Variants in DOK6 observed in about 807,000 individuals in gnomAD.
DOK6 encodes the protein downstream of tyrosine kinase 6.
DOK6 carries 22 observed loss-of-function variants against 44.0 expected under a neutral mutation model. The observed-to-expected ratio is 0.50, with a 90% confidence interval of 0.36 to 0.71. DOK6 has a LOEUF of 0.71. Ranked by LOEUF, DOK6 falls within the 30% of genes least tolerant of loss-of-function variation. The pLI is 0.00. For synonymous variants in DOK6, 166 were observed against 145.5 expected (o/e 1.14, Z -1.01); for missense variants, 340 against 416.4 (o/e 0.82, Z 1.60).
chr18:69,777,702 A>G (rs1050207367), intron 7 of DOK6, among the ~76,000 whole-genome samples: 7 of 150,498 alleles, frequency 4.7e-5, no homozygotes, highest in Admixed American at 1.3e-4. Flanking sequence ...CTCAGCCCCT[A>G]CACTTCACAA....
At chr18:69,568,519 G>C (rs149157678) in intron 2 of DOK6, among the ~76,000 whole-genome samples, 36 of 152,300 alleles carry the variant, frequency 2.4e-4, no homozygotes, top group African/African-American at 8.2e-4. Flanking sequence ...TGCAGCTTTA[G>C]GCTGGGGGCA....
intron 3 of DOK6, among the ~76,000 whole-genome samples, chr18:69,628,044 TA>T (rs1325947460): frequency 6.6e-6 from 1 of 152,260 alleles, no homozygotes; most frequent in Non-Finnish European, 1.5e-5. Context: ...AAATGATTCC[TA>T]TGGAGTCAAT....
chr18:69,562,334 G>T (rs1279027422), intron 1 of DOK6, among the ~76,000 whole-genome samples: 1 of 152,082 alleles, frequency 6.6e-6, no homozygotes, highest in East Asian at 1.9e-4. Flanking sequence ...GTCAAAGATA[G>T]ATAGTTGTAG....
chr18:69,419,683 A>G lies in DOK6; in HGVS notation c.66+18373A>G, dbSNP rs113807043. 2.1e-3 allele frequency among the ~76,000 whole-genome samples: 323 copies of G among 152,268 alleles called. 2 individuals are homozygous for G. Among genetic ancestry groups the G allele is most frequent in the African/African-American group, 7.4e-3 (306 of 41,558 alleles). ...TGTTAATTAAGGATATATGCTAATA[A>G]GAAATAACCAAGGATGAAGAAGTAA... On this transcript the variant is annotated intron_variant, in intron 1 of 7. Transcript: ENST00000382713.
chr18:69,459,859 ATTTTGGTGT>A (rs1199177480), intron 1 of DOK6, among the ~76,000 whole-genome samples: 2 of 152,160 alleles, frequency 1.3e-5, no homozygotes, highest in African/African-American at 4.8e-5. Flanking sequence ...ACCCAACCCA[ATTTTGGTGT>A]TATATGTGTG....
At chr18:69,798,422 T>C (rs1451643810) in intron 7 of DOK6, among the ~76,000 whole-genome samples, 1 of 152,090 alleles carries the variant, frequency 6.6e-6, no homozygotes, top group Non-Finnish European at 1.5e-5. Context: ...CATTAAGCTA[T>C]CATTTAATGT....
chr18:69,656,340 A>T (rs971127791), intron 3 of DOK6, among the ~76,000 whole-genome samples: 3 of 152,242 alleles, frequency 2.0e-5, no homozygotes, highest in Admixed American at 2.0e-4. Context: ...CATATTCTTT[A>T]GGAAGAGGAA....
At chr18:69,587,671 T>C (rs961084066) in intron 2 of DOK6, among the ~76,000 whole-genome samples, 4 of 152,052 alleles carry the variant, frequency 2.6e-5, no homozygotes, top group African/African-American at 7.2e-5. Context: ...TGTGGTAAAA[T>C]TGCAGCTCTC....
At chr18:69,658,372 C>A (rs1050103936) in intron 3 of DOK6, among the ~76,000 whole-genome samples, 7 of 152,116 alleles carry the variant, frequency 4.6e-5, no homozygotes, top group Admixed American at 4.6e-4. Context: ...GTGTCTATTT[C>A]TTGTTGGGAG....
chr18:69,481,470 G>A (rs9675937), intron 1 of DOK6, among the ~76,000 whole-genome samples: 36,102 of 151,790 alleles, frequency 0.24, 4,614 homozygotes, highest in East Asian at 0.53. Context: ...GAGAACATGC[G>A]GTGTTTGGTT....
At chr18:69,604,675 A>C (rs1307208868) in intron 3 of DOK6, among the ~76,000 whole-genome samples, 2 of 152,206 alleles carry the variant, frequency 1.3e-5, no homozygotes, top group African/African-American at 4.8e-5. Flanking sequence ...TCGGGATAAA[A>C]AAGAACTTGA....
At chr18:69,439,161 G>GGAATC (rs57958904) in intron 1 of DOK6, among the ~76,000 whole-genome samples, 20,152 of 152,110 alleles carry the variant, frequency 0.13, 1,663 homozygotes, top group South Asian at 0.28. Context: ...TATTTCAAAA[G>GGAATC]GAATCTCTTT....
At chr18:69,511,812 A>G (rs1361776340) in intron 1 of DOK6, among the ~76,000 whole-genome samples, 1 of 152,198 alleles carries the variant, frequency 6.6e-6, no homozygotes, top group African/African-American at 2.4e-5. Context: ...TCTTTCACTA[A>G]ATCTCTTCTA....
rs568416381 is a variant in DOK6 at position 69,401,485 on chromosome 18, C to G, written c.66+175C>G. Among the ~76,000 whole-genome samples the G allele has an allele frequency of 2.0e-5, 3 of 152,108 alleles. No individual in the cohort carries two copies. The South Asian group carries it at 6.2e-4, about 32-fold the overall frequency. On this transcript the variant is annotated intron_variant, in intron 1 of 7. Coordinates refer to ENST00000382713, the MANE Select transcript of DOK6 (RefSeq NM_152721.6). ...GTGGGGGCCCACACCTGCCGGGGGG[C>G]TCCGCAGACGGACCTGGGGACTCCA...
intron 1 of DOK6, among the ~76,000 whole-genome samples, chr18:69,562,685 A>G (rs1982866062): frequency 6.6e-6 from 1 of 152,198 alleles, no homozygotes; most frequent in African/African-American, 2.4e-5. Flanking sequence ...CAGACCTAAA[A>G]CCATAAAAAC....
chr18:69,591,676 T>C (rs1983625328), intron 2 of DOK6, among the ~76,000 whole-genome samples: 1 of 152,124 alleles, frequency 6.6e-6, no homozygotes, highest in Admixed American at 6.6e-5. Context: ...AATCAGTATT[T>C]TCCCAAAGAT....
intron 1 of DOK6, among the ~76,000 whole-genome samples, chr18:69,446,217 C>G (rs1361436134): frequency 1.6e-5 from 2 of 122,254 alleles, no homozygotes; most frequent in Non-Finnish European, 3.3e-5. Flanking sequence ...TCCCCCCACC[C>G]CACGACAGGC....
chr18:69,799,879 A>G (rs527908524), intron 7 of DOK6, among the ~76,000 whole-genome samples: 1 of 152,170 alleles, frequency 6.6e-6, no homozygotes, highest in African/African-American at 2.4e-5. Flanking sequence ...ACTTAACCGC[A>G]CAACTTGATT....
At chr18:69,469,778 C>T in intron 1 of DOK6, 1 of 236,288 alleles carries the variant, frequency 4.2e-6, no homozygotes, top group Non-Finnish European at 8.8e-6. Context: ...TGGACAGGAG[C>T]CAGAGGCGGA....
Sources: gnomAD v4.1 joint callset for allele counts (sites outside exome capture counted in the v4.1 genomes callset) on GRCh38, gnomAD v4.1.1 for gene constraint, MANE v1.5 for transcripts, NCBI Gene and HGNC (gene_info 2026-07-23, HGNC 2026-07-21) for gene names.